The following CEP68 variants were observed in gnomAD, a reference collection of about 807,000 sequenced individuals.
CEP68 encodes centrosomal protein of 68 kDa.
Under a neutral mutation model 55.3 loss-of-function variants are expected in CEP68, and 26 were observed. That is an observed-to-expected ratio of 0.47 (90% CI 0.34 to 0.65). CEP68 has a LOEUF of 0.65. CEP68 is among the 30% of genes least tolerant of loss of function. The pLI is 0.01. For missense variants in CEP68, 957 were observed against 946.7 expected (o/e 1.01, Z -0.14); for synonymous variants, 402 against 383.2 (o/e 1.05, Z -0.57).
In CEP68 at chr2:65,071,557, A is replaced by T. The variant is rs1676463677; in HGVS notation, c.461A>T (p.Asp154Val). Residue 154 changes from aspartate to valine, a missense_variant, in exon 3 of 7, where the codon GAT becomes GTT. Coordinates refer to ENST00000377990, the MANE Select transcript of CEP68 (RefSeq NM_015147.3). ...GGACATGATGCTGATACCGAAGATG[A>T]TCCATCCCTAGCAGATTTGCCCCAG... ...CSGHDADTEDDPSLADLPQAL... is the reference protein window; with the variant it reads ...CSGHDADTEDVPSLADLPQAL... 1 of 1,614,012 alleles carries T rather than the reference A, an allele frequency of 6.2e-7. No homozygotes were observed.
chr2:65,072,682 C>A lies in CEP68; in HGVS notation c.1586C>A (p.Ser529Tyr), dbSNP rs2103778319. Residue 529 changes from serine to tyrosine, a missense_variant, in exon 3 of 7, where the codon TCC (serine) becomes TAC (tyrosine). Physicochemically the swap from Ser to Tyr is moderately radical, Grantham distance 144. Transcript: ENST00000377990. ...LEVSDSDGPA[S>Y]FPSSSSQSQL... ...GTGTCAGACAGTGATGGGCCAGCTT[C>A]CTTCCCTTCAAGCTCCAGCCAAAGC... is the stretch of plus-strand genomic sequence containing the variant. 1.2e-6 allele frequency: 2 copies of A among 1,614,186 alleles called. No individual in the cohort carries two copies. The highest frequency in any genetic ancestry group is 4.5e-5 in the East Asian group (2 of 44,886).
chr2:65,058,186 T>G (rs1239929742), intron 1 of CEP68, among the ~76,000 whole-genome samples: 1 of 152,096 alleles, frequency 6.6e-6, no homozygotes, highest in African/African-American at 2.4e-5. Flanking sequence ...CCCTTCAGGA[T>G]CTCTCTGTTT....
rs1468791666 is a variant in CEP68 at position 65,071,989 on chromosome 2, A to G, written c.893A>G (p.Glu298Gly). The change falls in exon 3 of 7, where the codon GAG becomes GGG. Residue 298 changes from glutamate to glycine, a missense_variant. Glu to Gly is a moderately conservative substitution (Grantham distance 98). Coordinates refer to ENST00000377990, the MANE Select transcript of CEP68 (RefSeq NM_015147.3). ...TCCCCTCTCTGGAACCCAAATAAAG[A>G]GTATGAAGATCTGCTTGACTATACT... ...RHSPLWNPNK[E>G]YEDLLDYTYP... The G allele has an allele frequency of 6.2e-7, 1 of 1,612,802 alleles. No individual in the cohort carries two copies.
chr2:65,074,246 C>A, intron 3 of CEP68, 36 bp from the exon 4 acceptor site: 1 of 1,608,660 alleles, frequency 6.2e-7, no homozygotes, highest in South Asian at 1.1e-5. Context: ...GCTGTTCGAT[C>A]AGTAACACCA....
chr2:65,065,749 A>T (rs1009426850), intron 1 of CEP68, among the ~76,000 whole-genome samples: 3 of 152,112 alleles, frequency 2.0e-5, no homozygotes, highest in Non-Finnish European at 2.9e-5. Context: ...AGGGCGGATC[A>T]TTTGAGGTCA....
Position 65,072,779 on chromosome 2 carries a change from C to T in CEP68, c.1683C>T (p.Ser561=). The part of the protein sequence containing the change: ...PEGQNPCFLR[S]FVRAHDSAGE... ...GCCAGAATCCCTGTTTCCTGCGCTC[C>T]TTCGTCCGTGCCCACGACTCCGCAG... Residue 561 remains serine, a synonymous_variant, in exon 3 of 7, where the codon TCC becomes TCT. Transcript: ENST00000377990. 1.2e-6 allele frequency: 2 copies of T among 1,614,174 alleles called. No homozygotes were observed. Among genetic ancestry groups the T allele is most frequent in the Non-Finnish European group, 1.7e-6 (2 of 1,180,018 alleles).
At position 65,082,723 on chromosome 2, in the gene CEP68, C is replaced by G; in HGVS notation, c.*4+14C>G. The G allele has an allele frequency of 6.5e-7, 1 of 1,528,190 alleles. No individual in the cohort carries two copies. Among genetic ancestry groups the G allele is most frequent in the Non-Finnish European group, 8.7e-7 (1 of 1,143,212 alleles). 94.7% of individuals were successfully genotyped at this position (1,528,190 alleles called of 1,614,324 possible). A position where few individuals can be genotyped will look rare whatever the true frequency, so the allele number is the denominator to read the frequency against. ...GGGTTTAACCTGGTAAGTGGAGGAA[C>G]TCAAAAAGAAAATTTGCCCACCAAC... On this transcript the variant is annotated intron_variant, in intron 6 of 6. Transcript: ENST00000377990.
In CEP68 at chr2:65,086,552, G is replaced by A. The variant is rs1308956835; in HGVS notation, c.*2918G>A. On this transcript the variant is annotated 3_prime_UTR_variant, in exon 7 of 7. Coordinates refer to ENST00000377990, the MANE Select transcript of CEP68 (RefSeq NM_015147.3). ...TTTCCAAACTTAAGTCTGTAAATAT[G>A]CTCATCTTAAGTTCATGTAATGTTT... 2.0e-5 allele frequency: 3 copies of A among 152,128 alleles called. No homozygotes were observed. The highest frequency in any genetic ancestry group is 2.9e-5 in the Non-Finnish European group (2 of 68,016). The allele number at this position is 152,128 out of a possible 1,614,324, so 9.4% of individuals were successfully genotyped here.
Position 65,072,025 on chromosome 2 carries a change from G to A in CEP68, c.929G>A (p.Arg310Lys). 6.2e-7 allele frequency: 1 copy of A among 1,613,350 alleles called. No homozygotes were observed. Residue 310 changes from arginine to lysine, a missense_variant, in exon 3 of 7, where the codon AGG becomes AAG. Transcript: ENST00000377990. ...CTGCTTGACTATACTTACCCACTGAGGCCCGGGCCTCAGCTCCCAAAGCAC... is the reference window on the plus strand; with the variant it reads ...CTGCTTGACTATACTTACCCACTGAAGCCCGGGCCTCAGCTCCCAAAGCAC... ...EDLLDYTYPL[R>K]PGPQLPKHLD... is the part of the protein sequence containing the mutation.
At position 65,069,443 on chromosome 2, in the gene CEP68, C is replaced by T. The variant is rs901274812; in HGVS notation, c.-2C>T. The T allele has an allele frequency of 2.0e-6, 3 of 1,507,272 alleles. No homozygotes were observed. The African/African-American group carries it at 4.2e-5, about 21-fold the overall frequency. 93.4% of individuals were successfully genotyped at this position (1,507,272 alleles called of 1,614,324 possible). On this transcript the variant is annotated 5_prime_UTR_variant, in exon 2 of 7. Coordinates refer to ENST00000377990, the MANE Select transcript of CEP68 (RefSeq NM_015147.3). ...GAACCCTGACCTAGGTAGGGAGTCT[C>T]AATGGCCCTGGGTGAAGAAAAGGCA...
chr2:65,060,565 T>TA (rs917532884), intron 1 of CEP68, among the ~76,000 whole-genome samples: 13 of 151,318 alleles, frequency 8.6e-5, no homozygotes, highest in South Asian at 6.3e-4. Context: ...CCTCGTCTCT[T>TA]AAAAAAAAAT....
At position 65,072,134 on chromosome 2, in the gene CEP68, C is replaced by G. The variant is rs752720658; in HGVS notation, c.1038C>G (p.Thr346=). The G allele has an allele frequency of 1.2e-6, 2 of 1,614,026 alleles. No individual in the cohort carries two copies. The highest frequency in any genetic ancestry group is 8.5e-7 in the Non-Finnish European group (1 of 1,180,014). The change falls in exon 3 of 7, where the codon ACC becomes ACG. Residue 346 remains threonine, a synonymous_variant. Transcript: ENST00000377990. ...LDSFSVSPAS[T]LKSPTNVSPN... The stretch of plus-strand genomic sequence containing the variant: ...GCTTCTCTGTCTCTCCAGCAAGCAC[C>G]CTCAAATCACCTACTAATGTCTCCC...
chr2:65,065,121 C>T (rs1175982106), intron 1 of CEP68, among the ~76,000 whole-genome samples: 1 of 152,206 alleles, frequency 6.6e-6, no homozygotes, highest in East Asian at 1.9e-4. Context: ...GGATTAAAGA[C>T]CCTGGCTCCC....
chr2:65,070,167 A>G (rs1294225149), intron 2 of CEP68, among the ~76,000 whole-genome samples: 3 of 152,122 alleles, frequency 2.0e-5, no homozygotes, highest in African/African-American at 4.8e-5. Flanking sequence ...GAGACTTGGG[A>G]AAGGAGTGTC....
intron 5 of CEP68, chr2:65,080,288 G>T (rs943126216): frequency 1.2e-5 from 12 of 985,062 alleles, no homozygotes; most frequent in African/African-American, 1.8e-5. Flanking sequence ...ATGTATCCAG[G>T]CTCTTTCAGA....
In CEP68 at chr2:65,057,074, G is replaced by A. The variant is rs183649045; in HGVS notation, c.-47+546G>A. On this transcript the variant is annotated intron_variant, in intron 1 of 6. Coordinates refer to ENST00000377990, the MANE Select transcript of CEP68 (RefSeq NM_015147.3). ...AAGATGTCTCATTTTTTTTGCCTCG[G>A]AGGGCTACCCTTTCTAACTGTCATC... 1.5e-4 allele frequency among the ~76,000 whole-genome samples: 23 copies of A among 152,224 alleles called. No homozygotes were observed. The East Asian group carries it at 4.4e-3, about 29-fold the overall frequency.
At position 65,072,875 on chromosome 2, in the gene CEP68, G is replaced by A; in HGVS notation, c.1779G>A (p.Leu593=). 3 of 1,614,204 alleles carry A rather than the reference G, an allele frequency of 1.9e-6. No homozygotes were observed. The highest frequency in any genetic ancestry group is 2.5e-6 in the Non-Finnish European group (3 of 1,180,034). The part of the protein sequence containing the change: ...SSGLLKTRPS[L]PARLDRWPFS... ...GACTGCTGAAAACACGCCCCTCCTTGCCAGCTAGGTTGGACCGGTGGCCAT... is the reference window on the plus strand; with the variant it reads ...GACTGCTGAAAACACGCCCCTCCTTACCAGCTAGGTTGGACCGGTGGCCAT... The change falls in exon 3 of 7, where the codon TTG becomes TTA. Residue 593 remains leucine, a synonymous_variant. Transcript: ENST00000377990.
At chr2:65,065,908 A>G (rs1676141354) in intron 1 of CEP68, among the ~76,000 whole-genome samples, 1 of 151,650 alleles carries the variant, frequency 6.6e-6, no homozygotes, top group Admixed American at 6.6e-5. Context: ...GTGAGCCAAG[A>G]TCACGCCACT....
At position 65,082,655 on chromosome 2, in the gene CEP68, C is replaced by T. The variant is rs780804376; in HGVS notation, c.2224C>T (p.Pro742Ser). 3 of 1,610,376 alleles carry T rather than the reference C, an allele frequency of 1.9e-6. No individual in the cohort carries two copies. The highest frequency in any genetic ancestry group is 2.5e-6 in the Non-Finnish European group (3 of 1,178,998). ...CATGCTGGCTGGCTGCACCCTTATC[C>T]CTGACAAAAAGCCCATGGCGGCAAT... The part of the protein sequence containing the change: ...LDMLAGCTLI[P>S]DKKPMAAMEH... Residue 742 changes from proline to serine, a missense_variant, in exon 6 of 7, where the codon CCT becomes TCT. Physicochemically the swap from Pro to Ser is moderately conservative, Grantham distance 74. Transcript: ENST00000377990.
Sources: allele counts gnomAD v4.1 joint callset (sites outside exome capture counted in the v4.1 genomes callset), GRCh38; gene constraint gnomAD v4.1.1; transcripts MANE v1.5; gene names NCBI Gene and HGNC (gene_info 2026-07-23, HGNC 2026-07-21).